The following MRPL19 variants were observed in gnomAD, a reference collection of about 807,000 sequenced individuals.
MRPL19 encodes large ribosomal subunit protein bL19m.
In MRPL19, 31 loss-of-function variants were observed where a neutral mutation model predicts 34.0. That is an observed-to-expected ratio of 0.91 (90% CI 0.68 to 1.23). The LOEUF (loss-of-function observed/expected upper bound fraction) is 1.23. Among genes scored for constraint, MRPL19 ranks in the 50% most tolerant of loss-of-function variants. The probability of loss-of-function intolerance (pLI) is 0.00; values close to 1 mark genes in which losing one functional copy is unlikely to be tolerated. For missense variants in MRPL19, 384 were observed against 367.6 expected (o/e 1.04, Z -0.37); for synonymous variants, 152 against 127.7 (o/e 1.19, Z -1.28).
chr2:75,661,832 T>G lies in MRPL19; in HGVS notation c.*6547T>G, dbSNP rs1323284133. The G allele has an allele frequency of 6.6e-6, 1 of 152,252 alleles. No individual in the cohort carries two copies. The highest frequency in any genetic ancestry group is 1.9e-4 in the East Asian group (1 of 5,186). 9.4% of individuals were successfully genotyped at this position (152,252 alleles called of 1,614,324 possible). ...TAATGACTATCTTAACTCTTGTGTT[T>G]CAATGTTTATGCCTTCTTTTATCTT... On this transcript the variant is annotated 3_prime_UTR_variant, in exon 6 of 6. Coordinates refer to ENST00000393909, the MANE Select transcript of MRPL19 (RefSeq NM_014763.4).
At position 75,655,231 on chromosome 2, in the gene MRPL19, T is replaced by G. The variant is rs952902901; in HGVS notation, c.825T>G (p.Thr275=). ...TTGATATGATGAGGGAATATGATAC[T>G]TCAAAAATTGAAGCTGCAATATGGA... is the stretch of plus-strand genomic sequence containing the variant. ...LEFDMMREYD[T]SKIEAAIWKE... is the part of the protein sequence containing the mutation. The change falls in exon 6 of 6, where the codon ACT becomes ACG. Residue 275 remains threonine (T), a synonymous_variant. Transcript: ENST00000393909. 6.2e-7 allele frequency: 1 copy of G among 1,613,392 alleles called. No individual in the cohort carries two copies. The highest frequency in any genetic ancestry group is 1.7e-5 in the Admixed American group (1 of 59,926).
chr2:75,659,401 G>A lies in MRPL19; in HGVS notation c.*4116G>A, dbSNP rs929521778. Among the ~76,000 whole-genome samples, 1 of 152,072 alleles carries A rather than the reference G, an allele frequency of 6.6e-6. No homozygotes were observed. Among genetic ancestry groups the A allele is most frequent in the African/African-American group, 2.4e-5 (1 of 41,414 alleles). ...AATCATTTAGGAAATAAAAAGTGGA[G>A]TTAGAAAACAGTATGATAGTAATAC... On this transcript the variant is annotated 3_prime_UTR_variant, in exon 6 of 6. Transcript: ENST00000393909.
rs1448282312 is a variant in MRPL19, at chr2:75,658,358, AAAT to A, written c.*3078_*3080del. Among the ~76,000 whole-genome samples the A allele has an allele frequency of 7.9e-5, 12 of 152,164 alleles. No homozygotes were observed. The highest frequency in any genetic ancestry group is 2.7e-4 in the African/African-American group (11 of 41,442). ...CAGAATTTCATTTGTTTTTATGACTAAATAATATTCCATTGTATGTATATACAT... is the reference window on the plus strand; with the variant it reads ...CAGAATTTCATTTGTTTTTATGACTAAATATTCCATTGTATGTATATACAT... On this transcript the variant is annotated 3_prime_UTR_variant, in exon 6 of 6. Transcript: ENST00000393909.
At chr2:75,651,718 G>GTATA (rs2104129834) in intron 2 of MRPL19, 2 of 295,288 alleles carry the variant, frequency 6.8e-6, no homozygotes, top group South Asian at 6.8e-5. Context: ...ATTATAGCAT[G>GTATA]TATAGCTCAG....
At chr2:75,647,041 G>A in intron 1 of MRPL19, 61 bp from the exon 2 acceptor site, 1 of 1,502,670 alleles carries the variant, frequency 6.7e-7, no homozygotes, top group South Asian at 1.3e-5. Flanking sequence ...GGAGATTGCG[G>A]GGCTCTGCGG....
At position 75,655,349 on chromosome 2, in the gene MRPL19, C is replaced by T; in HGVS notation, c.*64C>T. On this transcript the variant is annotated 3_prime_UTR_variant, in exon 6 of 6. Transcript: ENST00000393909. Reference sequence around the variant, plus strand: ...GGCTCTAAGAGGATATATTTTGAGACCAATTTAATTTCATTTATAAGAACA... The same window carrying T: ...GGCTCTAAGAGGATATATTTTGAGATCAATTTAATTTCATTTATAAGAACA... 1 of 1,169,026 alleles carries T rather than the reference C, an allele frequency of 8.6e-7. No homozygotes were observed. Among genetic ancestry groups the T allele is most frequent in the Non-Finnish European group, 1.2e-6 (1 of 813,570 alleles). The allele number at this position is 1,169,026 out of a possible 1,614,324, so 72.4% of individuals were successfully genotyped here.
In MRPL19 at chr2:75,656,464, A is replaced by G. The variant is rs1230563104; in HGVS notation, c.*1179A>G. On this transcript the variant is annotated 3_prime_UTR_variant, in exon 6 of 6. Coordinates refer to ENST00000393909, the MANE Select transcript of MRPL19 (RefSeq NM_014763.4). ...TGCGCTCAGCTGTTTTCTGGATTCC[A>G]TGTTTTCCATTTTATTGAGTACTAA... 2 of 151,956 alleles carry G rather than the reference A, an allele frequency of 1.3e-5. No individual in the cohort carries two copies. The highest frequency in any genetic ancestry group is 4.8e-5 in the African/African-American group (2 of 41,372). The allele number at this position is 151,956 out of a possible 1,614,324, so 9.4% of individuals were successfully genotyped here.
In MRPL19 at chr2:75,646,887, C is replaced by T. The variant is rs775424118; in HGVS notation, c.80C>T (p.Pro27Leu). ...RSFQAARTLL[P>L]PPASIACRVH... Reference sequence around the variant, plus strand: ...TTCCAAGCCGCCAGGACTCTGCTCCCCCCGCCGGCCTCTATCGCCTGCAGT... The same window carrying T: ...TTCCAAGCCGCCAGGACTCTGCTCCTCCCGCCGGCCTCTATCGCCTGCAGT... Residue 27 changes from proline (P) to leucine (L), a missense_variant, in exon 1 of 6, where the codon CCC becomes CTC. Coordinates refer to ENST00000393909, the MANE Select transcript of MRPL19 (RefSeq NM_014763.4). The T allele has an allele frequency of 7.5e-6, 12 of 1,594,568 alleles. No individual in the cohort carries two copies. The highest frequency in any genetic ancestry group is 1.0e-5 in the Non-Finnish European group (12 of 1,170,994).
rs753744564 is a variant in MRPL19, at chr2:75,654,766, C to A, written c.506C>A (p.Pro169His). The change falls in exon 5 of 6, where the codon CCT becomes CAT. Residue 169 changes from proline to histidine, a missense_variant. Physicochemically the swap from Pro to His is moderately conservative, Grantham distance 77. Coordinates refer to ENST00000393909, the MANE Select transcript of MRPL19 (RefSeq NM_014763.4). ...GAGATTTGCTTTGAACTTTATAATC[C>A]TCGGGTCCAGGAGATTCAGGTGGTC... ...GVEICFELYN[P>H]RVQEIQVVKL... is the part of the protein sequence containing the mutation. 1.5e-5 allele frequency: 24 copies of A among 1,613,504 alleles called. 1 individual carries two copies. In the South Asian group the frequency reaches 2.6e-4, roughly 18 times the overall value.
rs1350776916 is a variant in MRPL19, at chr2:75,654,923, G to C, written c.657+6G>C. 2 of 1,587,618 alleles carry C rather than the reference G, an allele frequency of 1.3e-6. No individual in the cohort carries two copies. Among genetic ancestry groups the C allele is most frequent in the Non-Finnish European group, 1.7e-6 (2 of 1,170,582 alleles). ...AAAAAGTTCCTGTTAATGAGGTATG[G>C]GTTATACATTTGAAACTAGAAGTTC... On this transcript the variant is annotated splice_donor_region_variant and intron_variant, in intron 5 of 5. Transcript: ENST00000393909.
intron 2 of MRPL19, among the ~76,000 whole-genome samples, chr2:75,650,172 A>G (rs1016884178): frequency 6.6e-6 from 1 of 151,974 alleles, no homozygotes; most frequent in South Asian, 2.1e-4. Context: ...CACAATATTG[A>G]TAATTTATTT....
At chr2:75,649,222 T>C (rs1678281434) in intron 2 of MRPL19, among the ~76,000 whole-genome samples, 1 of 152,178 alleles carries the variant, frequency 6.6e-6, no homozygotes, top group African/African-American at 2.4e-5. Flanking sequence ...AATGACCAAA[T>C]ATGTGTGAAG....
rs763486007 is a variant in MRPL19, at chr2:75,659,516, C to T, written c.*4231C>T. Among the ~76,000 whole-genome samples the T allele has an allele frequency of 2.6e-5, 4 of 152,108 alleles. No individual in the cohort carries two copies. Among genetic ancestry groups the T allele is most frequent in the Non-Finnish European group, 5.9e-5 (4 of 67,990 alleles). On this transcript the variant is annotated 3_prime_UTR_variant, in exon 6 of 6. Transcript: ENST00000393909. The stretch of plus-strand genomic sequence containing the variant: ...GTTACTGTCTAGTGCCCTTCCATTT[C>T]GGCCCAAAGGATTCCCTTATGCATT...
Position 75,657,165 on chromosome 2 carries a change from G to C in MRPL19, c.*1880G>C, listed in dbSNP as rs994621066. 3 of 151,666 alleles carry C rather than the reference G, an allele frequency of 2.0e-5. No homozygotes were observed. The highest frequency in any genetic ancestry group is 7.3e-5 in the African/African-American group (3 of 41,294). The allele number at this position is 151,666 out of a possible 1,614,324, so 9.4% of individuals were successfully genotyped here. ...TTTATTTTTTGTTGTCTATATTTCA[G>C]ACTTTTCCAGGATATCTGATAATCT... On this transcript the variant is annotated 3_prime_UTR_variant, in exon 6 of 6. Transcript: ENST00000393909.
In MRPL19 at chr2:75,655,051, T is replaced by TTAA; in HGVS notation, c.658-13_658-12insTAA. On this transcript the variant is annotated splice_polypyrimidine_tract_variant and intron_variant, in intron 5 of 5. Coordinates refer to ENST00000393909, the MANE Select transcript of MRPL19 (RefSeq NM_014763.4). ...ATTGCTTTTTTTTTTTTTTTTTTTT[T>TTAA]AATCTTCCTTAGCTGAAAGTAAAAA... 9.2e-6 allele frequency: 12 copies of TTAA among 1,304,230 alleles called. No homozygotes were observed. Among genetic ancestry groups the TTAA allele is most frequent in the Non-Finnish European group, 1.3e-5 (12 of 957,858 alleles). The allele number at this position is 1,304,230 out of a possible 1,614,324, so 80.8% of individuals were successfully genotyped here.
rs188889956 is a variant in MRPL19 at position 75,660,211 on chromosome 2, G to A, written c.*4926G>A. Among the ~76,000 whole-genome samples the A allele has an allele frequency of 3.3e-5, 5 of 151,802 alleles. No individual in the cohort carries two copies. The East Asian group carries it at 5.8e-4, about 18-fold the overall frequency. Reference sequence around the variant, plus strand: ...TTTATCTTTGGTTCCTTTTTATAACGTCTGTGTCTTTATTGATATTCTCAT... The same window carrying A: ...TTTATCTTTGGTTCCTTTTTATAACATCTGTGTCTTTATTGATATTCTCAT... On this transcript the variant is annotated 3_prime_UTR_variant, in exon 6 of 6. Coordinates refer to ENST00000393909, the MANE Select transcript of MRPL19 (RefSeq NM_014763.4).
chr2:75,647,044 C>A, intron 1 of MRPL19, 58 bp from the exon 2 acceptor site: 1 of 1,509,262 alleles, frequency 6.6e-7, no homozygotes, highest in Non-Finnish European at 8.9e-7. Flanking sequence ...GATTGCGGGG[C>A]TCTGCGGGAT....
At chr2:75,652,709 C>T (rs766378780) in intron 4 of MRPL19, 52 bp downstream of exon 4, 2 of 1,561,732 alleles carry the variant, frequency 1.3e-6, no homozygotes, top group Non-Finnish European at 1.7e-6. Flanking sequence ...TCTCAGGATT[C>T]CTTTTTGTTT....
At chr2:75,647,639 A>G (rs971628139) in intron 2 of MRPL19, 5 of 158,222 alleles carry the variant, frequency 3.2e-5, no homozygotes, top group South Asian at 2.0e-4. Context: ...TGGCAGACAA[A>G]GCACAGTAAA....
Sources: allele counts gnomAD v4.1 joint callset (sites outside exome capture counted in the v4.1 genomes callset), GRCh38; gene constraint gnomAD v4.1.1; transcripts MANE v1.5; gene names NCBI Gene and HGNC (gene_info 2026-07-23, HGNC 2026-07-21).